The following ZNF569 variants were observed in gnomAD, a reference collection of about 807,000 sequenced individuals.
ZNF569 encodes zinc finger protein 569.
ZNF569 carries 38 observed loss-of-function variants against 56.3 expected under a neutral mutation model. That is an observed-to-expected ratio of 0.68 (90% CI 0.52 to 0.88). The LOEUF (loss-of-function observed/expected upper bound fraction) is 0.88. ZNF569 is among the 40% of genes least tolerant of loss of function. ZNF569 has a pLI of 0.00. For synonymous variants in ZNF569, 241 were observed against 262.9 expected (o/e 0.92, Z 0.81); for missense variants, 666 against 809.2 (o/e 0.82, Z 2.15).
intron 3 of ZNF569, among the ~76,000 whole-genome samples, chr19:37,434,623 C>T (rs1568730486): frequency 6.6e-6 from 1 of 152,178 alleles, no homozygotes; most frequent in Non-Finnish European, 1.5e-5. Context: ...CATCATATCC[C>T]GTGACCTGCA....
chr19:37,463,440 A>C (rs1568753580), intron 2 of ZNF569, among the ~76,000 whole-genome samples: 1 of 152,170 alleles, frequency 6.6e-6, no homozygotes, highest in Non-Finnish European at 1.5e-5. Context: ...CAACACCCCT[A>C]CTGCACTGAT....
At chr19:37,459,662 A>G (rs1407792099) in intron 2 of ZNF569, among the ~76,000 whole-genome samples, 1 of 152,222 alleles carries the variant, frequency 6.6e-6, no homozygotes, top group African/African-American at 2.4e-5. Context: ...CATGAAGGTA[A>G]GATAAAATCT....
chr19:37,463,450 T>C (rs2041785173), intron 2 of ZNF569, among the ~76,000 whole-genome samples: 1 of 152,236 alleles, frequency 6.6e-6, no homozygotes, highest in Non-Finnish European at 1.5e-5. Context: ...ACTGCACTGA[T>C]AGTGGTATAA....
chr19:37,434,492 T>A (rs1224622877), intron 3 of ZNF569, among the ~76,000 whole-genome samples: 1 of 152,070 alleles, frequency 6.6e-6, no homozygotes. Context: ...ATCCAGACCA[T>A]CATGGCCAAC....
rs1330448140 is a variant in ZNF569, at chr19:37,411,175, T to C, written c.*1422A>G. 6.6e-6 allele frequency: 1 copy of C among 152,172 alleles called. No individual in the cohort carries two copies. Among genetic ancestry groups the C allele is most frequent in the Non-Finnish European group, 1.5e-5 (1 of 68,030 alleles). 9.4% of individuals were successfully genotyped at this position (152,172 alleles called of 1,614,324 possible). A position where few individuals can be genotyped will look rare whatever the true frequency, so the allele number is the denominator to read the frequency against. On this transcript the variant is annotated 3_prime_UTR_variant, in exon 6 of 6. Transcript: ENST00000316950. The stretch of plus-strand genomic sequence containing the variant: ...TGTCATATTTGCTTTCACTCTTTTA[T>C]TAAAGAAATATTACAGATAAATATA...
At chr19:37,440,100 C>A (rs945812193) in intron 3 of ZNF569, among the ~76,000 whole-genome samples, 1 of 152,026 alleles carries the variant, frequency 6.6e-6, no homozygotes, top group Non-Finnish European at 1.5e-5. Context: ...ACCCTATTTA[C>A]CCTGATGTGA....
At chr19:37,440,083 G>T (rs2041379338) in intron 3 of ZNF569, among the ~76,000 whole-genome samples, 2 of 152,120 alleles carry the variant, frequency 1.3e-5, no homozygotes, top group South Asian at 4.2e-4. Context: ...TAAATGCTTG[G>T]ATAGATACCC....
chr19:37,449,428 T>A (rs2041555180), intron 2 of ZNF569, among the ~76,000 whole-genome samples: 1 of 152,218 alleles, frequency 6.6e-6, no homozygotes, highest in South Asian at 2.1e-4. Flanking sequence ...GCTCTATCGA[T>A]TCCTGAAAGA....
intron 3 of ZNF569, among the ~76,000 whole-genome samples, chr19:37,438,851 T>A (rs1373326581): frequency 6.6e-6 from 1 of 152,046 alleles, no homozygotes; most frequent in African/African-American, 2.4e-5. Flanking sequence ...AAACTATCCA[T>A]CAGACAGGGG....
At chr19:37,437,248 T>G (rs2041325098) in intron 3 of ZNF569, among the ~76,000 whole-genome samples, 1 of 152,158 alleles carries the variant, frequency 6.6e-6, no homozygotes, top group Admixed American at 6.5e-5. Flanking sequence ...TCATTTCAAC[T>G]GGTGCTGAAA....
At chr19:37,425,352 T>C (rs62110394) in intron 5 of ZNF569, among the ~76,000 whole-genome samples, 36,870 of 141,808 alleles carry the variant, frequency 0.26, 6,261 homozygotes, top group African/African-American at 0.46. Flanking sequence ...GACAGAGTCT[T>C]GCTCTGTCGC....
chr19:37,432,356 A>G (rs2041240129), intron 3 of ZNF569, among the ~76,000 whole-genome samples: 1 of 152,202 alleles, frequency 6.6e-6, no homozygotes, highest in South Asian at 2.1e-4. Context: ...TAAGACAACA[A>G]GAGTCTCTAC....
chr19:37,420,667 C>G (rs948755881), intron 5 of ZNF569, among the ~76,000 whole-genome samples: 3 of 152,162 alleles, frequency 2.0e-5, no homozygotes, highest in Non-Finnish European at 4.4e-5. Flanking sequence ...TCCACTGAAG[C>G]CTTGAATCCT....
chr19:37,469,102 C>T (rs1022719656), upstream of ZNF569: 1 of 1,048,212 alleles, frequency 9.5e-7, no homozygotes, highest in Non-Finnish European at 1.2e-6. Flanking sequence ...TGGGCCCCGT[C>T]CCTGTGACCG....
chr19:37,439,144 C>T (rs2041361932), intron 3 of ZNF569, among the ~76,000 whole-genome samples: 1 of 152,140 alleles, frequency 6.6e-6, no homozygotes, highest in Non-Finnish European at 1.5e-5. Context: ...GATCTTGGCT[C>T]ACTGAAACCT....
intron 3 of ZNF569, among the ~76,000 whole-genome samples, chr19:37,440,562 T>C (rs887001564): frequency 6.6e-6 from 1 of 152,176 alleles, no homozygotes; most frequent in Non-Finnish European, 1.5e-5. Context: ...TGATTAATTT[T>C]AAATATGTAT....
chr19:37,429,027 A>T (rs1253875352), intron 3 of ZNF569, among the ~76,000 whole-genome samples: 2 of 152,212 alleles, frequency 1.3e-5, no homozygotes, highest in Non-Finnish European at 2.9e-5. Flanking sequence ...CATAAGCCTA[A>T]GACTGATCTT....
intron 3 of ZNF569, among the ~76,000 whole-genome samples, chr19:37,432,800 A>G (rs1244758365): frequency 6.6e-6 from 1 of 152,212 alleles, no homozygotes; most frequent in Admixed American, 6.5e-5. Flanking sequence ...AGAATTTAGA[A>G]TGCTATCAGA....
chr19:37,430,148 T>G (rs1345110509), intron 3 of ZNF569, among the ~76,000 whole-genome samples: 1 of 151,552 alleles, frequency 6.6e-6, no homozygotes, highest in East Asian at 1.9e-4. Context: ...TGAGTTATAA[T>G]TGTGCCACTG....
Sources: gnomAD v4.1 joint callset for allele counts (sites outside exome capture counted in the v4.1 genomes callset) on GRCh38, gnomAD v4.1.1 for gene constraint, MANE v1.5 for transcripts, NCBI Gene and HGNC (gene_info 2026-07-23, HGNC 2026-07-21) for gene names.